ANO4: variants seen among roughly 807,000 people sequenced by gnomAD.
ANO4 encodes anoctamin-4.
Under a neutral mutation model 141.9 loss-of-function variants are expected in ANO4, and 69 were observed. That is an observed-to-expected ratio of 0.49 (90% confidence interval 0.40 to 0.59). The LOEUF (loss-of-function observed/expected upper bound fraction) is 0.59, where lower values mean the gene tolerates loss of function less well. Among genes scored for constraint, ANO4 ranks in the 20% least tolerant of loss-of-function variants. The probability of loss-of-function intolerance (pLI) is 0.00; values close to 1 mark genes in which losing one functional copy is unlikely to be tolerated. For synonymous variants in ANO4, 350 were observed against 394.3 expected (o/e 0.89, Z 1.33); for missense variants, 894 against 1,162.2 (o/e 0.77, Z 3.36).
At chr12:101,018,721 G>A (rs990491349) in intron 8 of ANO4, among the ~76,000 whole-genome samples, 5 of 152,182 alleles carry the variant, frequency 3.3e-5, no homozygotes, top group Non-Finnish European at 7.3e-5. Context: ...GGCTACAGAA[G>A]TGATGATTCA....
chr12:100,766,130 C>T (rs2033070708), intron 3 of ANO4, among the ~76,000 whole-genome samples: 1 of 152,062 alleles, frequency 6.6e-6, no homozygotes, highest in Non-Finnish European at 1.5e-5. Flanking sequence ...ATTTGCCTTT[C>T]TGTGCTTGGC....
intron 7 of ANO4, among the ~76,000 whole-genome samples, chr12:100,977,145 T>C (rs575567926): frequency 6.6e-6 from 1 of 152,334 alleles, no homozygotes; most frequent in African/African-American, 2.4e-5. Flanking sequence ...TAATACTTAT[T>C]ACATGTAATA....
chr12:100,892,727 A>G (rs2040165009), intron 1 of ANO4, among the ~76,000 whole-genome samples: 1 of 152,138 alleles, frequency 6.6e-6, no homozygotes, highest in Non-Finnish European at 1.5e-5. Flanking sequence ...TGATATGTAA[A>G]TAGTTGTTAT....
intron 1 of ANO4, among the ~76,000 whole-genome samples, chr12:100,873,601 G>C (rs1461465787): frequency 6.6e-6 from 1 of 152,188 alleles, no homozygotes; most frequent in Non-Finnish European, 1.5e-5. Context: ...TGAAGATGTG[G>C]TGTGGCTGCT....
intron 7 of ANO4, among the ~76,000 whole-genome samples, chr12:100,981,721 T>C (rs1245226816): frequency 3.9e-5 from 6 of 152,218 alleles, no homozygotes; most frequent in Admixed American, 2.0e-4. Context: ...TCAAGGGAAA[T>C]GACCTTTCTT....
chr12:101,037,928 C>T (rs142031328), intron 10 of ANO4, among the ~76,000 whole-genome samples: 5 of 152,298 alleles, frequency 3.3e-5, no homozygotes, highest in African/African-American at 9.6e-5. Flanking sequence ...TCAGTACAGC[C>T]TGTTGGAAAC....
At chr12:100,874,767 G>T (rs773358102) in intron 1 of ANO4, among the ~76,000 whole-genome samples, 10 of 152,114 alleles carry the variant, frequency 6.6e-5, no homozygotes, top group African/African-American at 2.4e-4. Context: ...TCATCTGCCC[G>T]CCTCAGCCTC....
chr12:101,031,981 C>G (rs970010521), intron 9 of ANO4, among the ~76,000 whole-genome samples: 1 of 152,108 alleles, frequency 6.6e-6, no homozygotes, highest in African/African-American at 2.4e-5. Flanking sequence ...CAGGAAAAAT[C>G]AATATTGTAA....
At chr12:101,119,579 A>G (rs1468412326) in intron 25 of ANO4, among the ~76,000 whole-genome samples, 1 of 152,228 alleles carries the variant, frequency 6.6e-6, no homozygotes, top group Non-Finnish European at 1.5e-5. Context: ...ACCACATGCA[A>G]TAATGTGAAT....
chr12:100,798,344 C>T (rs1340174628), intron 1 of ANO4, among the ~76,000 whole-genome samples: 5 of 152,142 alleles, frequency 3.3e-5, no homozygotes, highest in Non-Finnish European at 7.3e-5. Context: ...GAGTTATGTG[C>T]GACTCCCACA....
chr12:100,924,945 A>G (rs2041801252), intron 3 of ANO4, among the ~76,000 whole-genome samples: 2 of 152,132 alleles, frequency 1.3e-5, no homozygotes, highest in African/African-American at 4.8e-5. Context: ...TAGAAGGGTG[A>G]TCTTTCTATG....
intron 1 of ANO4, among the ~76,000 whole-genome samples, chr12:100,809,067 T>C (rs1439855600): frequency 1.3e-5 from 2 of 152,192 alleles, no homozygotes; most frequent in African/African-American, 4.8e-5. Flanking sequence ...AGATTTGCTG[T>C]TTACTCAGAG....
intron 3 of ANO4, among the ~76,000 whole-genome samples, chr12:100,770,736 T>C (rs2033263505): frequency 6.6e-6 from 1 of 151,542 alleles, no homozygotes; most frequent in Non-Finnish European, 1.5e-5. Context: ...GCCCTGGAGA[T>C]CCATAGATTT....
At chr12:100,723,671 T>G (rs2030968822) in intron 1 of ANO4, among the ~76,000 whole-genome samples, 1 of 152,224 alleles carries the variant, frequency 6.6e-6, no homozygotes, top group Non-Finnish European at 1.5e-5. Flanking sequence ...TACACAAGTT[T>G]ACACAAGTAA....
chr12:100,842,064 C>G (rs2373384), intron 1 of ANO4: 2 of 58,486 alleles, frequency 3.4e-5, no homozygotes, highest in African/African-American at 1.4e-4. Flanking sequence ...AATATCCACC[C>G]CCCCCCCCCC....
intron 1 of ANO4, among the ~76,000 whole-genome samples, chr12:100,719,078 G>T (rs2030743427): frequency 6.6e-6 from 1 of 152,134 alleles, no homozygotes; most frequent in Non-Finnish European, 1.5e-5. Context: ...ATTTTGAAAA[G>T]AAGTATATTT....
At chr12:100,749,517 C>T (rs2032270826) in intron 3 of ANO4, among the ~76,000 whole-genome samples, 1 of 152,148 alleles carries the variant, frequency 6.6e-6, no homozygotes, top group Non-Finnish European at 1.5e-5. Context: ...GTTTAATTAT[C>T]GATTCCAGCG....
chr12:100,856,334 C>T (rs935190832), intron 1 of ANO4, among the ~76,000 whole-genome samples: 10 of 152,272 alleles, frequency 6.6e-5, no homozygotes, highest in East Asian at 1.9e-4. Context: ...ACAATTTCTA[C>T]GGAAATTAAG....
intron 14 of ANO4, among the ~76,000 whole-genome samples, chr12:101,049,461 C>T (rs1454311867): frequency 6.6e-6 from 1 of 150,918 alleles, no homozygotes; most frequent in African/African-American, 2.4e-5. Context: ...CCTTGAGGAC[C>T]ATTATGATTA....
Sources: allele counts gnomAD v4.1 joint callset (sites outside exome capture counted in the v4.1 genomes callset), GRCh38; gene constraint gnomAD v4.1.1; transcripts MANE v1.5; gene names NCBI Gene and HGNC (gene_info 2026-07-23, HGNC 2026-07-21).